The following EXTL3 variants were observed in gnomAD, a reference collection of about 807,000 sequenced individuals.
EXTL3 encodes exostosin-like 3.
EXTL3 carries 27 observed loss-of-function variants against 69.3 expected under a neutral mutation model. That is an observed-to-expected ratio of 0.39 (90% CI 0.29 to 0.54). The LOEUF (loss-of-function observed/expected upper bound fraction) is 0.54, where lower values mean the gene tolerates loss of function less well. Ranked by LOEUF, EXTL3 falls within the 20% of genes least tolerant of loss-of-function variation. EXTL3 has a pLI of 0.69. For missense variants in EXTL3, 1,003 were observed against 1,231.8 expected, an observed-to-expected ratio of 0.81 and a Z score of 2.78; for synonymous variants, 511 against 499.4, an observed-to-expected ratio of 1.02 and a Z score of -0.31.
intron 1 of EXTL3, among the ~76,000 whole-genome samples, chr8:28,635,011 C>T (rs1329909310): frequency 1.3e-5 from 2 of 151,962 alleles, no homozygotes; most frequent in African/African-American, 4.8e-5. Context: ...AACTTAGCAC[C>T]CCACACGGCT....
At chr8:28,677,623 T>C (rs1263188294) in intron 1 of EXTL3, among the ~76,000 whole-genome samples, 2 of 152,238 alleles carry the variant, frequency 1.3e-5, no homozygotes, top group African/African-American at 2.4e-5. Flanking sequence ...TTGCAATCAT[T>C]GTGAAGCACA....
chr8:28,646,624 C>T (rs1377908192), intron 1 of EXTL3, among the ~76,000 whole-genome samples: 2 of 152,174 alleles, frequency 1.3e-5, no homozygotes, highest in Non-Finnish European at 2.9e-5. Flanking sequence ...TCCAGTGTAA[C>T]TGCTACGCAC....
Position 28,660,537 on chromosome 8 carries a change from T to G in EXTL3, c.-53+37727T>G, listed in dbSNP as rs141841229. ...ATACACACACTCCCAATTTTTATTGTGTTAAAATATACATAACACAATTTA... is the reference window on the plus strand; with the variant it reads ...ATACACACACTCCCAATTTTTATTGGGTTAAAATATACATAACACAATTTA... On this transcript the variant is annotated intron_variant, in intron 1 of 6. Transcript: ENST00000523149. Among the ~76,000 whole-genome samples, 892 of 152,334 alleles carry G rather than the reference T, an allele frequency of 5.9e-3. 1 individual carries two copies. Among genetic ancestry groups the G allele is most frequent in the Non-Finnish European group, 8.8e-3 (600 of 68,032 alleles).
At chr8:28,636,827 A>G (rs1214647807) in intron 1 of EXTL3, among the ~76,000 whole-genome samples, 1 of 152,216 alleles carries the variant, frequency 6.6e-6, no homozygotes, top group Non-Finnish European at 1.5e-5. Flanking sequence ...CCTGGCCAAC[A>G]TGGTGAAACC....
intron 1 of EXTL3, among the ~76,000 whole-genome samples, chr8:28,643,500 T>C (rs561835203): frequency 4.0e-5 from 6 of 150,864 alleles, no homozygotes; most frequent in African/African-American, 7.3e-5. Flanking sequence ...CTGCAAGCTC[T>C]GCCTCCCGGG....
At chr8:28,746,767 C>G (rs918222487) in intron 6 of EXTL3, among the ~76,000 whole-genome samples, 7 of 152,114 alleles carry the variant, frequency 4.6e-5, no homozygotes. Flanking sequence ...CCTCTGCCTC[C>G]CGGGTTCAAG....
At chr8:28,686,247 T>G (rs982651684) in intron 1 of EXTL3, among the ~76,000 whole-genome samples, 4 of 151,926 alleles carry the variant, frequency 2.6e-5, no homozygotes, top group African/African-American at 9.7e-5. Context: ...ATCCCAGCAT[T>G]TTGGGAGGCT....
intron 1 of EXTL3, among the ~76,000 whole-genome samples, chr8:28,644,393 C>G (rs1806794984): frequency 6.6e-6 from 1 of 152,084 alleles, no homozygotes; most frequent in Admixed American, 6.6e-5. Context: ...ACAGTCTCAA[C>G]TGTTAATTCA....
intron 1 of EXTL3, among the ~76,000 whole-genome samples, chr8:28,653,912 T>G (rs1806966760): frequency 6.6e-6 from 1 of 152,252 alleles, no homozygotes; most frequent in South Asian, 2.1e-4. Context: ...ATTTTTCATT[T>G]CTGCAAAAGA....
chr8:28,750,236 C>A lies in EXTL3; in HGVS notation c.2551-421C>A, dbSNP rs1418162108. On this transcript the variant is annotated intron_variant, in intron 6 of 6. Transcript: ENST00000220562. The surrounding 1 kb of genome is among the most constrained non-coding windows in gnomAD (Gnocchi z 5.2). ...TATGGACAGTATTCAAGAATGATAG[C>A]CCCTCTTTGACTAGCCCCTCTTTGG... Among the ~76,000 whole-genome samples the A allele has an allele frequency of 2.0e-5, 3 of 152,110 alleles. No individual in the cohort carries two copies. Among genetic ancestry groups the A allele is most frequent in the Admixed American group, 1.3e-4 (2 of 15,278 alleles).
chr8:28,728,200 A>G (rs1462119435), intron 3 of EXTL3, among the ~76,000 whole-genome samples: 1 of 152,210 alleles, frequency 6.6e-6, no homozygotes, highest in Non-Finnish European at 1.5e-5. Flanking sequence ...GTCATCTCTG[A>G]AATTGAGATG....
rs2130736753 is a variant in EXTL3, at chr8:28,716,566, T to A, written c.507T>A (p.Pro169=). The A allele has an allele frequency of 1.9e-6, 3 of 1,614,054 alleles. No individual in the cohort carries two copies. In the South Asian group the frequency reaches 3.3e-5, roughly 18 times the overall value. ...LLPEKDDAGL[P]PPKATRGCRL... ...CAGAGAAGGACGATGCCGGCCTCCC[T>A]CCCCCGAAGGCCACTCGGGGCTGCC... Residue 169 remains proline, a synonymous_variant, in exon 3 of 7, where the codon CCT becomes CCA. Coordinates refer to ENST00000220562, the MANE Select transcript of EXTL3 (RefSeq NM_001440.4). The surrounding 1 kb of genome is among the most constrained non-coding windows in gnomAD (Gnocchi z 7.1).
chr8:28,749,307 C>G (rs1801954751), intron 6 of EXTL3, among the ~76,000 whole-genome samples: 1 of 152,114 alleles, frequency 6.6e-6, no homozygotes, highest in Non-Finnish European at 1.5e-5. Context: ...CAACAAATCA[C>G]TCCAAAAAGA....
chr8:28,647,725 G>A (rs556215682), intron 1 of EXTL3, among the ~76,000 whole-genome samples: 1 of 152,144 alleles, frequency 6.6e-6, no homozygotes, highest in African/African-American at 2.4e-5. Context: ...AAGCTGTCGG[G>A]GAAAGAAATT....
chr8:28,609,939 C>A (rs1450426471), intron 2 of EXTL3, among the ~76,000 whole-genome samples: 2 of 149,956 alleles, frequency 1.3e-5, no homozygotes, highest in Non-Finnish European at 3.0e-5. Context: ...GTGGTTCATG[C>A]CTGTAATCAA....
At chr8:28,617,349 C>T (rs571177419) in intron 2 of EXTL3, among the ~76,000 whole-genome samples, 1 of 152,236 alleles carries the variant, frequency 6.6e-6, no homozygotes, top group East Asian at 1.9e-4. Context: ...AGCTAATGTT[C>T]ATAGCAACAT....
chr8:28,736,120 C>G (rs1457323785), intron 4 of EXTL3, among the ~76,000 whole-genome samples: 1 of 152,046 alleles, frequency 6.6e-6, no homozygotes, highest in Non-Finnish European at 1.5e-5. Context: ...GCCACTGAAC[C>G]ATACATTTAA....
intron 2 of EXTL3, among the ~76,000 whole-genome samples, chr8:28,617,617 C>G (rs896833635): frequency 6.6e-6 from 1 of 152,130 alleles, no homozygotes; most frequent in African/African-American, 2.4e-5. Flanking sequence ...AACCCTGTCT[C>G]TACAAAAAAC....
chr8:28,662,466 C>T (rs1033135550), intron 1 of EXTL3, among the ~76,000 whole-genome samples: 11 of 152,102 alleles, frequency 7.2e-5, no homozygotes, highest in African/African-American at 2.7e-4. Context: ...TGAATAAGTC[C>T]TATTAAATAG....
Sources: gnomAD v4.1 joint callset for allele counts (sites outside exome capture counted in the v4.1 genomes callset) on GRCh38, gnomAD v4.1.1 for gene constraint, Gnocchi (gnomAD v3.1) non-coding constraint, MANE v1.5 for transcripts, NCBI Gene and HGNC (gene_info 2026-07-23, HGNC 2026-07-21) for gene names.